The following DMD variants were observed in gnomAD, a reference collection of about 807,000 sequenced individuals.
DMD encodes mutant dystrophin.
Under a neutral mutation model 330.1 loss-of-function variants are expected in DMD, and 63 were observed. The observed-to-expected ratio is 0.19, with a 90% CI of 0.16 to 0.24. The LOEUF (loss-of-function observed/expected upper bound fraction) is 0.24, where lower values mean the gene tolerates loss of function less well. Among genes scored for constraint, DMD ranks in the 10% least tolerant of loss-of-function variants. The pLI, the probability that DMD is intolerant of heterozygous loss-of-function variation, is 1.00. For synonymous variants in DMD, 1,223 were observed against 959.8 expected (o/e 1.27, Z -5.07); for missense variants, 3,344 against 2,684.1 (o/e 1.25, Z -5.43).
intron 44 of DMD, among the ~76,000 whole-genome samples, chrX:32,203,059 C>T (rs988660368): frequency 8.9e-6 from 1 of 111,750 alleles, no homozygotes; most frequent in East Asian, 2.8e-4. Context: ...CCTAACCTAC[C>T]TGTCTGGCCC....
At chrX:33,240,341 TA>T (rs1201221009) in intron 1 of DMD, among the ~76,000 whole-genome samples, 1 of 112,108 alleles carries the variant, frequency 8.9e-6, no homozygotes, top group East Asian at 2.8e-4. Context: ...CTGCCTGGCT[TA>T]TTTAACTTAA....
At chrX:32,642,455 G>A (rs2059529435) in intron 11 of DMD, among the ~76,000 whole-genome samples, 1 of 111,745 alleles carries the variant, frequency 8.9e-6, no homozygotes, top group Admixed American at 9.5e-5. Flanking sequence ...TCAGCTAGGT[G>A]GTAATACTGC....
intron 59 of DMD, among the ~76,000 whole-genome samples, chrX:31,456,872 GTGTGTATATA>G (rs2066214109): frequency 1.0e-5 from 1 of 98,074 alleles, no homozygotes; most frequent in Admixed American, 1.1e-4. Context: ...GTGTGTGTGT[GTGTGTATATA>G]TATATATATT....
At chrX:31,394,322 T>C (rs187124691) in intron 60 of DMD, among the ~76,000 whole-genome samples, 2 of 112,747 alleles carry the variant, frequency 1.8e-5, no homozygotes, top group Non-Finnish European at 1.9e-5. Flanking sequence ...AAACAACTTG[T>C]AAAAATATGA....
intron 12 of DMD, among the ~76,000 whole-genome samples, chrX:32,611,958 G>T (rs1414211883): frequency 8.9e-6 from 1 of 112,037 alleles, no homozygotes; most frequent in South Asian, 3.6e-4. Context: ...TGACAATTTA[G>T]TTAGTGGTAG....
At chrX:32,030,851 G>C (rs193019448) in intron 44 of DMD, among the ~76,000 whole-genome samples, 2 of 111,693 alleles carry the variant, frequency 1.8e-5, no homozygotes, top group East Asian at 5.6e-4. Flanking sequence ...TATGATTATA[G>C]GAAGGTTAAA....
Position 31,402,403 on chromosome X carries a change from G to A in DMD, c.9084+42078C>T, listed in dbSNP as rs180876936. ...CTTTGAGGAGATAAACGGATGGGCC[G>A]ATAAAGCTTATGGTGGCAAGATCCC... is the stretch of plus-strand genomic sequence containing the variant. On this transcript the variant is annotated intron_variant, in intron 60 of 78. Transcript: ENST00000357033. Among the ~76,000 whole-genome samples, 184 of 111,920 alleles carry A rather than the reference G, an allele frequency of 1.6e-3. 1 individual carries two copies. Among genetic ancestry groups the A allele is most frequent in the Non-Finnish European group, 2.8e-3 (149 of 53,143 alleles).
intron 41 of DMD, 48 bp downstream of exon 41, chrX:32,342,052 A>G (rs1462884498): frequency 1.7e-6 from 2 of 1,144,798 alleles, no homozygotes; most frequent in East Asian, 6.1e-5. Flanking sequence ...CTCTGTTAAT[A>G]GAGTAGTAGT....
chrX:32,389,224 T>C (rs1208143419), intron 32 of DMD, among the ~76,000 whole-genome samples: 1 of 111,464 alleles, frequency 9.0e-6, no homozygotes, highest in East Asian at 2.8e-4. Flanking sequence ...ATATATTTCC[T>C]TTCTAGATTT....
rs1461489607 is a variant in DMD, at chrX:31,209,860, G to A, written c.9362-161C>T. Among the ~76,000 whole-genome samples, 4 of 111,324 alleles carry A rather than the reference G, an allele frequency of 3.6e-5. No homozygotes were observed. The South Asian group carries it at 1.1e-3, about 32-fold the overall frequency. ...GAAAGGTGTTTTATTTTTATGCCTC[G>A]ACTCTAAGTTGATGAGTTTGATCAG... is the stretch of plus-strand genomic sequence containing the variant. On this transcript the variant is annotated intron_variant, in intron 64 of 78. Coordinates refer to ENST00000357033, the MANE Select transcript of DMD (RefSeq NM_004006.3).
chrX:31,947,795 A>T (rs959554282), intron 45 of DMD, among the ~76,000 whole-genome samples: 1 of 111,067 alleles, frequency 9.0e-6, no homozygotes, highest in African/African-American at 3.3e-5. Flanking sequence ...GTAACCAAGT[A>T]TATGCATCAA....
intron 47 of DMD, among the ~76,000 whole-genome samples, chrX:31,879,206 T>TGGC (rs1249626711): frequency 1.8e-4 from 3 of 16,234 alleles, no homozygotes; most frequent in Admixed American, 8.4e-4. Flanking sequence ...CCATTCTACA[T>TGGC]GGCGGGGGGG....
At chrX:31,166,503 C>T (rs150307396) in intron 74 of DMD, among the ~76,000 whole-genome samples, 1 of 111,735 alleles carries the variant, frequency 8.9e-6, no homozygotes, top group Non-Finnish European at 1.9e-5. Context: ...CTTATTTTCT[C>T]TAAAAGTATG....
intron 1 of DMD, among the ~76,000 whole-genome samples, chrX:33,261,933 CACCACCACCACCACCACCACCACA>C (rs1172230628): frequency 9.9e-6 from 1 of 101,334 alleles, no homozygotes; most frequent in African/African-American, 4.2e-5. Context: ...AAACCACCAC[CACCACCACCACCACCACCACCACA>C]ACCACAATGA....
chrX:31,261,261 C>T (rs1481621448), intron 62 of DMD: 2 of 361,243 alleles, frequency 5.5e-6, no homozygotes, highest in Non-Finnish European at 9.8e-6. Flanking sequence ...TTTGTTTCTT[C>T]TTTGCACCCA....
intron 55 of DMD, among the ~76,000 whole-genome samples, chrX:31,602,450 C>T (rs992852893): frequency 9.1e-6 from 1 of 110,128 alleles, no homozygotes; most frequent in Non-Finnish European, 1.9e-5. Context: ...TTACCCAGAC[C>T]ACAAACAGGT....
chrX:32,788,871 C>G (rs186280016), intron 7 of DMD, among the ~76,000 whole-genome samples: 1 of 112,017 alleles, frequency 8.9e-6, no homozygotes, highest in Admixed American at 9.5e-5. Context: ...AGTTCTTTAT[C>G]AGCTCTGCCA....
At chrX:32,802,549 G>T (rs977256885) in intron 7 of DMD, among the ~76,000 whole-genome samples, 6 of 111,651 alleles carry the variant, frequency 5.4e-5, no homozygotes, top group Admixed American at 3.8e-4. Context: ...TTTTTGTCTT[G>T]TGCCAGTTTT....
chrX:33,237,726 A>T (rs1381120089), intron 1 of DMD, among the ~76,000 whole-genome samples: 1 of 111,942 alleles, frequency 8.9e-6, no homozygotes, highest in Non-Finnish European at 1.9e-5. Context: ...CTCATTTAAA[A>T]TTTTTTCACG....
Sources: gnomAD v4.1 joint callset for allele counts (sites outside exome capture counted in the v4.1 genomes callset) on GRCh38, gnomAD v4.1.1 for gene constraint, MANE v1.5 for transcripts, NCBI Gene and HGNC (gene_info 2026-07-23, HGNC 2026-07-21) for gene names.